Variants in ARSG observed in about 807,000 individuals in gnomAD.
ARSG encodes ASG.
ARSG carries 37 observed loss-of-function variants against 50.5 expected under a neutral mutation model. The observed-to-expected ratio is 0.73, with a 90% CI of 0.56 to 0.96. The LOEUF is 0.96. Ranked by LOEUF, ARSG falls within the 50% of genes least tolerant of loss-of-function variation. The pLI is 0.00. For missense variants in ARSG, 629 were observed against 675.3 expected, an observed-to-expected ratio of 0.93 and a Z score of 0.76; for synonymous variants, 225 against 254.6, an observed-to-expected ratio of 0.88 and a Z score of 1.11.
At chr17:68,415,211 G>C (rs879394470) in intron 11 of ARSG, among the ~76,000 whole-genome samples, 3 of 152,120 alleles carry the variant, frequency 2.0e-5, no homozygotes, top group Admixed American at 6.5e-5. Flanking sequence ...CAGAGGTTTT[G>C]ATAGGTTGTG....
the ARSG span, among the ~76,000 whole-genome samples, chr17:68,431,447 G>T: frequency 6.6e-6 from 1 of 152,104 alleles, no homozygotes. Flanking sequence ...GGTTCTGGGG[G>T]TGGTGGCTGC....
intron 2 of ARSG, among the ~76,000 whole-genome samples, chr17:68,329,258 T>C (rs2077626829): frequency 6.6e-6 from 1 of 152,202 alleles, no homozygotes; most frequent in Admixed American, 6.5e-5. Context: ...CAACTCACCT[T>C]GTCTGGCTGG....
chr17:68,429,975 AG>A, the ARSG span: 1 of 1,613,814 alleles, frequency 6.2e-7, no homozygotes, highest in Non-Finnish European at 8.5e-7. Flanking sequence ...TCTTGTTCAG[AG>A]TGGGTGTCAT....
the ARSG span, among the ~76,000 whole-genome samples, chr17:68,446,063 G>A: frequency 2.0e-5 from 3 of 152,184 alleles, no homozygotes; most frequent in Non-Finnish European, 4.4e-5. Flanking sequence ...CACAAAAGAG[G>A]CAGGCTCTGC....
At chr17:68,426,243 G>GGT (rs754582715), downstream of ARSG, 11 of 935,264 alleles carry the variant, frequency 1.2e-5, no homozygotes, top group Admixed American at 8.0e-5. Flanking sequence ...CCTGGCGGGT[G>GGT]GGGAGCGGGG....
intron 8 of ARSG, chr17:68,379,848 A>C: frequency 1.0e-6 from 1 of 985,396 alleles, no homozygotes; most frequent in Non-Finnish European, 1.2e-6. Context: ...CCCTACAGGT[A>C]ATTTGGTTGG....
At chr17:68,418,327 T>C (rs2082523646) in intron 11 of ARSG, among the ~76,000 whole-genome samples, 1 of 152,206 alleles carries the variant, frequency 6.6e-6, no homozygotes, top group Non-Finnish European at 1.5e-5. Flanking sequence ...CTTAGGCAGA[T>C]CCCTCAGTCC....
chr17:68,298,092 T>G (rs1158797602), intron 1 of ARSG, among the ~76,000 whole-genome samples: 2 of 150,978 alleles, frequency 1.3e-5, no homozygotes, highest in Non-Finnish European at 2.9e-5. Flanking sequence ...AGCTGGCAAA[T>G]CACTGCTGAA....
At chr17:68,429,200 C>T in the ARSG span, among the ~76,000 whole-genome samples, 2 of 151,716 alleles carry the variant, frequency 1.3e-5, no homozygotes, top group Non-Finnish European at 1.5e-5. Flanking sequence ...GAAGCAATAG[C>T]TAGTGAACAC....
chr17:68,321,587 T>C lies in ARSG; in HGVS notation c.218+13876T>C, dbSNP rs2077284913. Among the ~76,000 whole-genome samples, 2 of 152,224 alleles carry C rather than the reference T, an allele frequency of 1.3e-5. 1 individual carries two copies. The highest frequency in any genetic ancestry group is 4.1e-4 in the South Asian group (2 of 4,832). On this transcript the variant is annotated intron_variant, in intron 2 of 11. Coordinates refer to ENST00000621439, the MANE Select transcript of ARSG (RefSeq NM_001267727.2). ...CCACAGAACACCCCATCATCTATTT[T>C]AAATTCCTTGTAAATGAAGGCTGGA...
intron 2 of ARSG, among the ~76,000 whole-genome samples, chr17:68,314,564 A>G (rs1428458857): frequency 2.7e-5 from 4 of 150,410 alleles, no homozygotes; most frequent in African/African-American, 9.8e-5. Context: ...TCTGTAAACC[A>G]GGTGTGGTGT....
intron 2 of ARSG, among the ~76,000 whole-genome samples, chr17:68,336,535 TAGTGTGATCAAA>T (rs1395384937): frequency 6.6e-6 from 1 of 152,062 alleles, no homozygotes; most frequent in Non-Finnish European, 1.5e-5. Context: ...AGTAAGGGAT[TAGTGTGATCAAA>T]TTCGCATTAT....
intron 4 of ARSG, among the ~76,000 whole-genome samples, chr17:68,349,382 G>C (rs1156632747): frequency 6.6e-6 from 1 of 152,192 alleles, no homozygotes; most frequent in African/African-American, 2.4e-5. Context: ...TACAATGGCA[G>C]AGTTGAGTGG....
At chr17:68,434,209 A>T in the ARSG span, among the ~76,000 whole-genome samples, 2 of 152,164 alleles carry the variant, frequency 1.3e-5, no homozygotes, top group Non-Finnish European at 2.9e-5. Flanking sequence ...ATCCGATAAG[A>T]TCCCAAACAG....
upstream of ARSG, among the ~76,000 whole-genome samples, chr17:68,288,322 T>A (rs2075891967): frequency 6.6e-6 from 1 of 152,124 alleles, no homozygotes; most frequent in African/African-American, 2.4e-5. Context: ...TTTTTTCCAT[T>A]CCTTCAGCAG....
chr17:68,325,755 C>G (rs151145768), intron 2 of ARSG, among the ~76,000 whole-genome samples: 32 of 152,302 alleles, frequency 2.1e-4, no homozygotes, highest in South Asian at 6.2e-4. Context: ...GAAGCCCTTA[C>G]CCTTCTGGGG....
At chr17:68,344,708 A>G (rs2078428674) in intron 3 of ARSG, among the ~76,000 whole-genome samples, 1 of 152,210 alleles carries the variant, frequency 6.6e-6, no homozygotes, top group South Asian at 2.1e-4. Flanking sequence ...TCCCAGAAGT[A>G]TCCTCAGCTC....
intron 2 of ARSG, among the ~76,000 whole-genome samples, chr17:68,316,675 C>T (rs1285318687): frequency 1.3e-5 from 2 of 152,172 alleles, no homozygotes; most frequent in Non-Finnish European, 2.9e-5. Flanking sequence ...GCACCTACAT[C>T]ACAGGGCTAT....
chr17:68,393,400 C>T (rs2081086728), intron 9 of ARSG, among the ~76,000 whole-genome samples: 3 of 152,124 alleles, frequency 2.0e-5, no homozygotes, highest in Admixed American at 2.0e-4. Flanking sequence ...ACTTAGTAGC[C>T]ATCTCAGTTA....
Sources: allele counts gnomAD v4.1 joint callset (sites outside exome capture counted in the v4.1 genomes callset), GRCh38; gene constraint gnomAD v4.1.1; transcripts MANE v1.5; gene names NCBI Gene and HGNC (gene_info 2026-07-23, HGNC 2026-07-21).